The following SNX25 variants were observed in gnomAD, a reference collection of about 807,000 sequenced individuals.
SNX25 encodes sorting nexin 25, also known as sorting nexin-25.
SNX25 carries 62 observed loss-of-function variants against 113.7 expected under a neutral mutation model. That is an observed-to-expected ratio of 0.55 (90% CI 0.44 to 0.67). The LOEUF (loss-of-function observed/expected upper bound fraction) is 0.67. SNX25 is among the 30% of genes least tolerant of loss of function. SNX25 has a pLI of 0.00. For synonymous variants in SNX25, 421 were observed against 436.2 expected (o/e 0.97, Z 0.43); for missense variants, 1,014 against 1,161.0 (o/e 0.87, Z 1.84).
At chr4:185,243,617 C>T (rs1214764941) in intron 1 of SNX25, among the ~76,000 whole-genome samples, 1 of 151,980 alleles carries the variant, frequency 6.6e-6, no homozygotes, top group East Asian at 1.9e-4. Context: ...AAAAAAACCC[C>T]CAAACTGAAA....
rs867465120 is a variant in SNX25, at chr4:185,278,108, T to G, written c.1092-9904T>G. Among the ~76,000 whole-genome samples the G allele has an allele frequency of 1.1e-3, 166 of 152,342 alleles. 1 individual carries two copies. The highest frequency in any genetic ancestry group is 2.0e-3 in the Admixed American group (31 of 15,302). On this transcript the variant is annotated intron_variant, in intron 5 of 18. Coordinates refer to ENST00000652585, the MANE Select transcript of SNX25 (RefSeq NM_001378034.2). ...AATTTTTAGTAATGATGTGTTTAAT[T>G]TCTAAATATTTAGCAGCCAGGTCTC...
chr4:185,341,250 G>T (rs1454731767), intron 11 of SNX25, among the ~76,000 whole-genome samples: 1 of 150,466 alleles, frequency 6.6e-6, no homozygotes, highest in Non-Finnish European at 1.5e-5. Flanking sequence ...CAATATCTCA[G>T]TTGGGAGGTA....
chr4:185,313,998 A>C (rs1280468820), intron 7 of SNX25, among the ~76,000 whole-genome samples: 1 of 152,180 alleles, frequency 6.6e-6, no homozygotes, highest in Non-Finnish European at 1.5e-5. Flanking sequence ...TTTCATCCGC[A>C]TCATCTTCCT....
intron 5 of SNX25, among the ~76,000 whole-genome samples, chr4:185,286,489 A>C (rs907828663): frequency 2.0e-5 from 3 of 152,106 alleles, no homozygotes; most frequent in Non-Finnish European, 2.9e-5. Context: ...TACACAGAAA[A>C]ATGAGGGAAG....
intron 1 of SNX25, among the ~76,000 whole-genome samples, chr4:185,224,661 A>G (rs1013677414): frequency 1.8e-4 from 27 of 147,414 alleles, no homozygotes; most frequent in African/African-American, 6.4e-4. Context: ...ATATATAAGT[A>G]TATATAAAAA....
chr4:185,262,419 C>T (rs1351450066), intron 3 of SNX25, among the ~76,000 whole-genome samples: 1 of 152,066 alleles, frequency 6.6e-6, no homozygotes, highest in South Asian at 2.1e-4. Flanking sequence ...CTTTGCTGGT[C>T]GAGTACTGGC....
intron 1 of SNX25, among the ~76,000 whole-genome samples, chr4:185,218,654 AATGCTTCTG>A (rs1280425571): frequency 7.2e-5 from 11 of 152,356 alleles, no homozygotes; most frequent in Admixed American, 7.2e-4. Flanking sequence ...CTCCAAGTAA[AATGCTTCTG>A]AAGCAAAGAG....
intron 5 of SNX25, among the ~76,000 whole-genome samples, chr4:185,271,731 AC>A (rs1748960067): frequency 6.6e-6 from 1 of 152,238 alleles, no homozygotes; most frequent in Non-Finnish European, 1.5e-5. Flanking sequence ...CAGTTGATGT[AC>A]CTATCCACTT....
chr4:185,308,651 C>T (rs1328231155), intron 6 of SNX25, among the ~76,000 whole-genome samples: 3 of 152,206 alleles, frequency 2.0e-5, no homozygotes, highest in Admixed American at 2.0e-4. Flanking sequence ...CTGCCAGGCA[C>T]TGTTGTAGGT....
At chr4:185,235,392 T>C (rs1397574297) in intron 1 of SNX25, among the ~76,000 whole-genome samples, 1 of 152,242 alleles carries the variant, frequency 6.6e-6, no homozygotes, top group Non-Finnish European at 1.5e-5. Flanking sequence ...CTCTTGTTCA[T>C]TACTCAGTTC....
chr4:185,256,004 C>A (rs137945190), intron 2 of SNX25, among the ~76,000 whole-genome samples: 1 of 152,304 alleles, frequency 6.6e-6, no homozygotes, highest in African/African-American at 2.4e-5. Context: ...GAAAACATAA[C>A]AACCATAGGT....
chr4:185,347,492 C>T (rs141465453), intron 13 of SNX25, among the ~76,000 whole-genome samples: 3,118 of 151,562 alleles, frequency 0.021, 107 homozygotes, highest in African/African-American at 0.071. Flanking sequence ...TGTTTTGAGA[C>T]GGAGTTTCGC....
At chr4:185,370,940 G>A, downstream of SNX25, 1 of 1,041,454 alleles carries the variant, frequency 9.6e-7, no homozygotes, top group Non-Finnish European at 1.4e-6. Flanking sequence ...GAACTAAGTT[G>A]TTTGCTGTGT....
intron 5 of SNX25, among the ~76,000 whole-genome samples, chr4:185,285,050 T>A (rs2126601839): frequency 6.6e-6 from 1 of 152,272 alleles, no homozygotes; most frequent in Non-Finnish European, 1.5e-5. Context: ...GGTACATAGA[T>A]AAAACAGCTT....
intron 13 of SNX25, among the ~76,000 whole-genome samples, chr4:185,347,004 T>C (rs1368498158): frequency 2.0e-5 from 3 of 152,212 alleles, no homozygotes; most frequent in Admixed American, 6.5e-5. Flanking sequence ...CTTTCAACTT[T>C]ATATAAATGG....
chr4:185,234,807 A>T (rs1742377107), intron 1 of SNX25, among the ~76,000 whole-genome samples: 1 of 152,252 alleles, frequency 6.6e-6, no homozygotes, highest in Non-Finnish European at 1.5e-5. Context: ...TCAAATGCAT[A>T]ATAATTCATT....
chr4:185,356,077 A>C (rs2126750626), intron 15 of SNX25, among the ~76,000 whole-genome samples: 1 of 152,328 alleles, frequency 6.6e-6, no homozygotes, highest in Non-Finnish European at 1.5e-5. Flanking sequence ...CGTCGTCAGC[A>C]GAATCCTAGT....
At chr4:185,368,792 T>TTCG (rs1282756035), downstream of SNX25, among the ~76,000 whole-genome samples, 4 of 142,872 alleles carry the variant, frequency 2.8e-5, no homozygotes, top group African/African-American at 1.1e-4. Context: ...TGGAATCTGT[T>TTCG]TTGTTTTTTT....
At chr4:185,265,400 AAC>A (rs1352928708) in intron 4 of SNX25, among the ~76,000 whole-genome samples, 1 of 152,226 alleles carries the variant, frequency 6.6e-6, no homozygotes, top group Non-Finnish European at 1.5e-5. Flanking sequence ...AGGCAATAGT[AAC>A]ACAATGATAT....
Sources: gnomAD v4.1 joint callset for allele counts (sites outside exome capture counted in the v4.1 genomes callset) on GRCh38, gnomAD v4.1.1 for gene constraint, MANE v1.5 for transcripts, NCBI Gene and HGNC (gene_info 2026-07-23, HGNC 2026-07-21) for gene names.